Variants in METTL25 observed in about 807,000 individuals in gnomAD.
METTL25 encodes the protein methyltransferase like 25.
Under a neutral mutation model 71.6 loss-of-function variants are expected in METTL25, and 64 were observed. That is an observed-to-expected ratio of 0.89 (90% confidence interval 0.73 to 1.10). The LOEUF (loss-of-function observed/expected upper bound fraction) is 1.10. Ranked by LOEUF, METTL25 falls within the 50% of genes least tolerant of loss-of-function variation. The pLI is 0.00. For missense variants in METTL25, 807 were observed against 707.0 expected, an observed-to-expected ratio of 1.14 and a Z score of -1.60; for synonymous variants, 287 against 250.3, an observed-to-expected ratio of 1.15 and a Z score of -1.38.
At chr12:82,441,884 C>T (rs943940511) in intron 8 of METTL25, among the ~76,000 whole-genome samples, 2 of 150,842 alleles carry the variant, frequency 1.3e-5, no homozygotes, top group South Asian at 2.1e-4. Context: ...CAAAGAAGTA[C>T]AGAGCCTGCA....
intron 5 of METTL25, among the ~76,000 whole-genome samples, chr12:82,413,302 A>G (rs1018078208): frequency 2.6e-5 from 4 of 152,090 alleles, no homozygotes; most frequent in African/African-American, 4.8e-5. Context: ...TTTAGGAGAC[A>G]CTCAGCAAAC....
chr12:82,447,246 A>G (rs778086859), intron 8 of METTL25, among the ~76,000 whole-genome samples: 5 of 152,286 alleles, frequency 3.3e-5, no homozygotes, highest in African/African-American at 9.6e-5. Flanking sequence ...CTAATTATAT[A>G]TATATTAGAC....
At chr12:82,383,841 G>A (rs907515151) in intron 1 of METTL25, among the ~76,000 whole-genome samples, 1 of 151,698 alleles carries the variant, frequency 6.6e-6, no homozygotes, top group Non-Finnish European at 1.5e-5. Context: ...CTTGTACACT[G>A]GTCCCTTGTA....
intron 1 of METTL25, among the ~76,000 whole-genome samples, chr12:82,374,694 T>G (rs1034152111): frequency 6.6e-6 from 1 of 152,210 alleles, no homozygotes; most frequent in African/African-American, 2.4e-5. Flanking sequence ...GCATTCCAAG[T>G]GTATAGAACA....
At chr12:82,457,250 A>C (rs1460111803) in intron 9 of METTL25, among the ~76,000 whole-genome samples, 1 of 151,988 alleles carries the variant, frequency 6.6e-6, no homozygotes. Flanking sequence ...TAGGAGGCCC[A>C]AGTTAGTAAT....
chr12:82,400,109 G>T (rs1886465139), intron 4 of METTL25, among the ~76,000 whole-genome samples: 1 of 152,008 alleles, frequency 6.6e-6, no homozygotes, highest in Non-Finnish European at 1.5e-5. Context: ...GGATCACGAG[G>T]TCAGGAGATT....
rs757536636 is a variant in METTL25 at position 82,399,290 on chromosome 12, A to G, written c.1027A>G (p.Arg343Gly). The change falls in exon 4 of 12, where the codon AGA (arginine) becomes GGA (glycine). Residue 343 changes from arginine (R) to glycine (G), a missense_variant. By Grantham distance (125) the Arg-to-Gly change is moderately radical (BLOSUM62 -2). Coordinates refer to ENST00000248306, the MANE Select transcript of METTL25 (RefSeq NM_032230.3). ...AGAAACATCTGAAGCCAATAAAGAG[A>G]GAAGAAAAATGACATCAAAGTCAAG... ...NRETSEANKE[R>G]RKMTSKSSES... 11 of 1,613,566 alleles carry G rather than the reference A, an allele frequency of 6.8e-6. No individual in the cohort carries two copies. The highest frequency in any genetic ancestry group is 9.3e-6 in the Non-Finnish European group (11 of 1,179,792).
chr12:82,434,532 T>C (rs1191286540), intron 6 of METTL25, among the ~76,000 whole-genome samples, 163 bp from the exon 7 acceptor site: 1 of 151,550 alleles, frequency 6.6e-6, no homozygotes, highest in African/African-American at 2.4e-5. Context: ...AGCATATTAG[T>C]TAACATTCTT....
At chr12:82,421,951 C>G (rs150036994) in intron 5 of METTL25, among the ~76,000 whole-genome samples, 1 of 152,142 alleles carries the variant, frequency 6.6e-6, no homozygotes, top group Admixed American at 6.6e-5. Flanking sequence ...GATTCACAGC[C>G]GAATTCTACC....
intron 1 of METTL25, among the ~76,000 whole-genome samples, chr12:82,360,678 T>A (rs1349524153): frequency 6.6e-6 from 1 of 152,108 alleles, no homozygotes; most frequent in Admixed American, 6.5e-5. Context: ...CGAGGGAGCC[T>A]ACAAGGTATG....
chr12:82,428,099 G>A (rs1023389251), intron 5 of METTL25, among the ~76,000 whole-genome samples: 4 of 151,874 alleles, frequency 2.6e-5, no homozygotes, highest in African/African-American at 9.7e-5. Flanking sequence ...AAGAAATTAA[G>A]TAAGCAGGTA....
intron 9 of METTL25, among the ~76,000 whole-genome samples, chr12:82,471,599 CA>C (rs1246094679): frequency 6.6e-6 from 1 of 152,160 alleles, no homozygotes; most frequent in Non-Finnish European, 1.5e-5. Context: ...AACATTAGGG[CA>C]CATTGTTCTT....
chr12:82,397,340 C>G (rs567958099), intron 3 of METTL25, among the ~76,000 whole-genome samples: 1 of 152,182 alleles, frequency 6.6e-6, no homozygotes, highest in East Asian at 1.9e-4. Context: ...TACTTGTCTT[C>G]TTACTGAGTT....
chr12:82,411,461 G>A (rs1203315976), intron 5 of METTL25, among the ~76,000 whole-genome samples: 1 of 151,844 alleles, frequency 6.6e-6, no homozygotes, highest in African/African-American at 2.4e-5. Flanking sequence ...TTTCTTTAAT[G>A]TTTTTGTTTC....
At chr12:82,416,596 A>G (rs1299326079) in intron 5 of METTL25, among the ~76,000 whole-genome samples, 1 of 151,774 alleles carries the variant, frequency 6.6e-6, no homozygotes, top group Non-Finnish European at 1.5e-5. Context: ...GCGTGACACC[A>G]CACCTGGTCA....
intron 5 of METTL25, among the ~76,000 whole-genome samples, chr12:82,423,665 G>A (rs1432326156): frequency 6.6e-6 from 1 of 152,066 alleles, no homozygotes; most frequent in Non-Finnish European, 1.5e-5. Context: ...CTAATATCCA[G>A]AATCTACAAT....
At position 82,458,654 on chromosome 12, in the gene METTL25, T is replaced by C. The variant is rs541556499; in HGVS notation, c.1572+1834T>C. 2.6e-4 allele frequency among the ~76,000 whole-genome samples: 40 copies of C among 152,136 alleles called. No individual in the cohort carries two copies. In the Middle Eastern group the frequency reaches 0.01, roughly 39 times the overall value. ...AGAAAAAAAAAATCCCCTCCTTCCATCAAGGGGAGGAAAAAATAAACATTT... is the reference window on the plus strand; with the variant it reads ...AGAAAAAAAAAATCCCCTCCTTCCACCAAGGGGAGGAAAAAATAAACATTT... On this transcript the variant is annotated intron_variant, in intron 9 of 11. Transcript: ENST00000248306.
At position 82,399,230 on chromosome 12, in the gene METTL25, G is replaced by T. The variant is rs370253053; in HGVS notation, c.967G>T (p.Val323Leu). The T allele has an allele frequency of 5.0e-6, 8 of 1,613,450 alleles. No individual in the cohort carries two copies. The highest frequency in any genetic ancestry group is 1.3e-5 in the African/African-American group (1 of 74,878). The change falls in exon 4 of 12, where the codon GTA becomes TTA. Residue 323 changes from valine to leucine, a missense_variant. Coordinates refer to ENST00000248306, the MANE Select transcript of METTL25 (RefSeq NM_032230.3). The stretch of plus-strand genomic sequence containing the variant: ...TATAAACCTTTTGCCTATTAATGCT[G>T]TAGAGCCTACTTCTTCACAGCAAAT... ...SLINLLPINA[V>L]EPTSSQQIPN...
intron 3 of METTL25, among the ~76,000 whole-genome samples, chr12:82,391,684 A>G (rs1885599458): frequency 6.7e-6 from 1 of 150,190 alleles, no homozygotes; most frequent in African/African-American, 2.4e-5. Context: ...GTGTTACAAT[A>G]AACATGAGTG....
Sources: gnomAD v4.1 joint callset for allele counts (sites outside exome capture counted in the v4.1 genomes callset) on GRCh38, gnomAD v4.1.1 for gene constraint, MANE v1.5 for transcripts, NCBI Gene and HGNC (gene_info 2026-07-23, HGNC 2026-07-21) for gene names.